The following NPNT variants were observed in gnomAD, a reference collection of about 807,000 sequenced individuals.
NPNT encodes nephronectin.
A neutral mutation model predicts 68.6 loss-of-function variants in NPNT; 45 were observed. That is an observed-to-expected ratio of 0.66 (90% CI 0.52 to 0.84). The LOEUF (loss-of-function observed/expected upper bound fraction) is 0.84. NPNT is among the 40% of genes least tolerant of loss of function. The pLI, the probability that NPNT is intolerant of heterozygous loss-of-function variation, is 0.00. For synonymous variants in NPNT, 233 were observed against 253.3 expected (o/e 0.92, Z 0.76); for missense variants, 672 against 714.8 (o/e 0.94, Z 0.68).
At chr4:105,938,798 T>G (rs867189636) in intron 5 of NPNT, among the ~76,000 whole-genome samples, 3 of 152,290 alleles carry the variant, frequency 2.0e-5, no homozygotes, top group African/African-American at 4.8e-5. Flanking sequence ...CCTCAGATTT[T>G]TTTCTGGTAA....
intron 8 of NPNT, among the ~76,000 whole-genome samples, chr4:105,956,060 CATTTA>C (rs1731199788): frequency 6.6e-6 from 1 of 151,924 alleles, no homozygotes; most frequent in South Asian, 2.1e-4. Flanking sequence ...AACCAAGAAC[CATTTA>C]ATTTAATATT....
intron 7 of NPNT, among the ~76,000 whole-genome samples, chr4:105,941,046 A>C (rs1729909173): frequency 6.6e-6 from 1 of 152,176 alleles, no homozygotes; most frequent in Non-Finnish European, 1.5e-5. Context: ...TGCTATTAAA[A>C]AATCATTCCC....
At chr4:105,947,782 C>A (rs949321464) in intron 8 of NPNT, among the ~76,000 whole-genome samples, 1 of 152,136 alleles carries the variant, frequency 6.6e-6, no homozygotes, top group Non-Finnish European at 1.5e-5. Flanking sequence ...TTTTCCAAAT[C>A]TGTCACAAAT....
intron 10 of NPNT, among the ~76,000 whole-genome samples, chr4:105,966,729 C>A (rs1000587711): frequency 2.6e-5 from 4 of 151,706 alleles, no homozygotes; most frequent in African/African-American, 9.7e-5. Flanking sequence ...CTTTAAATCA[C>A]CATCTGCTTT....
intron 3 of NPNT, 107 bp from the exon 4 acceptor site, chr4:105,936,902 T>A: frequency 9.2e-7 from 1 of 1,086,846 alleles, no homozygotes; most frequent in South Asian, 1.7e-5. Flanking sequence ...TTACTGTAGC[T>A]TGACCTATTT....
chr4:105,948,800 G>C (rs950510082), intron 8 of NPNT, among the ~76,000 whole-genome samples: 2 of 151,994 alleles, frequency 1.3e-5, no homozygotes, highest in Admixed American at 6.6e-5. Context: ...TTCTTACTGT[G>C]TTGCCCAGGC....
intron 2 of NPNT, among the ~76,000 whole-genome samples, chr4:105,919,781 C>G (rs1728102230): frequency 6.7e-6 from 1 of 149,902 alleles, no homozygotes; most frequent in Admixed American, 6.6e-5. Context: ...GTTTGTCCTA[C>G]TATTGGTGAT....
rs770152893 is a variant in NPNT, at chr4:105,906,758, G to A, written c.172+8757G>A. 4.5e-4 allele frequency among the ~76,000 whole-genome samples: 69 copies of A among 152,306 alleles called. 1 individual carries two copies. Among genetic ancestry groups the A allele is most frequent in the Non-Finnish European group, 1.8e-4 (12 of 68,020 alleles). On this transcript the variant is annotated intron_variant, in intron 2 of 11. Transcript: ENST00000379987. ...GTGAATAGAGCAGGGATAGGGCCCC[G>A]CCTAGGCTCCAGTAAAAGGAGGATC...
At position 105,895,680 on chromosome 4, in the gene NPNT, G is replaced by C. The variant is rs535893355; in HGVS notation, c.28G>C (p.Val10Leu). 1.3e-6 allele frequency: 2 copies of C among 1,553,494 alleles called. No homozygotes were observed. The highest frequency in any genetic ancestry group is 2.7e-5 in the African/African-American group (2 of 73,228). ...GGATTTTCTCCTGGCGCTGGTGCTGGTATCCTCGCTCTACCTGCAGGCGGC... is the reference window on the plus strand; with the variant it reads ...GGATTTTCTCCTGGCGCTGGTGCTGCTATCCTCGCTCTACCTGCAGGCGGC... MDFLLALVL[V>L]SSLYLQAAAE... Residue 10 changes from valine (V) to leucine (L), a missense_variant, in exon 1 of 12, where the codon GTA (valine) becomes CTA (leucine). Coordinates refer to ENST00000379987, the MANE Select transcript of NPNT (RefSeq NM_001033047.3).
At chr4:105,929,750 T>TGA (rs1291526312) in intron 3 of NPNT, among the ~76,000 whole-genome samples, 7 of 152,206 alleles carry the variant, frequency 4.6e-5, no homozygotes, top group Non-Finnish European at 1.5e-5. Flanking sequence ...AAGTCACTTT[T>TGA]GAGATTGCAG....
chr4:105,915,902 T>A (rs72968674), intron 2 of NPNT, among the ~76,000 whole-genome samples: 5,044 of 152,190 alleles, frequency 0.033, 253 homozygotes, highest in African/African-American at 0.11. Context: ...CACAACTATC[T>A]CCACGGAGGA....
At chr4:105,938,737 A>G (rs1230265265) in intron 5 of NPNT, among the ~76,000 whole-genome samples, 1 of 152,228 alleles carries the variant, frequency 6.6e-6, no homozygotes, top group African/African-American at 2.4e-5. Flanking sequence ...GGCAAGGGTG[A>G]GCAATGAGTG....
intron 10 of NPNT, among the ~76,000 whole-genome samples, chr4:105,959,527 T>C (rs1389729975): frequency 6.7e-6 from 1 of 150,312 alleles, no homozygotes; most frequent in East Asian, 1.9e-4. Context: ...TCTTTTCTTT[T>C]TTTTTTTTTT....
At chr4:105,941,898 C>T (rs1352743869) in intron 7 of NPNT, among the ~76,000 whole-genome samples, 2 of 152,002 alleles carry the variant, frequency 1.3e-5, no homozygotes, top group South Asian at 2.1e-4. Flanking sequence ...AGGGATACAA[C>T]GTAGATTCTA....
chr4:105,905,111 A>G (rs1726780033), intron 2 of NPNT, among the ~76,000 whole-genome samples: 1 of 151,720 alleles, frequency 6.6e-6, no homozygotes, highest in Admixed American at 6.6e-5. Context: ...ATTAAGGAGG[A>G]ATATGTAGAA....
At chr4:105,960,324 T>G (rs148110650) in intron 10 of NPNT, among the ~76,000 whole-genome samples, 42 of 152,352 alleles carry the variant, frequency 2.8e-4, no homozygotes, top group African/African-American at 9.9e-4. Flanking sequence ...AGAGAGCTCA[T>G]GATATCTTAA....
chr4:105,895,596 C>A lies in NPNT; in HGVS notation c.-57C>A. On this transcript the variant is annotated 5_prime_UTR_variant, in exon 1 of 12. Transcript: ENST00000379987. ...AGGGGCGCCTCCCATCGGCGCCCAC[C>A]ACCCCAACCTGTTCCTCGCGCGCCA... 1.4e-6 allele frequency: 2 copies of A among 1,454,120 alleles called. No individual in the cohort carries two copies. The highest frequency in any genetic ancestry group is 1.9e-6 in the Non-Finnish European group (2 of 1,065,778). 90.1% of individuals were successfully genotyped at this position (1,454,120 alleles called of 1,614,324 possible).
chr4:105,951,054 C>A (rs1730796297), intron 8 of NPNT, among the ~76,000 whole-genome samples: 1 of 152,108 alleles, frequency 6.6e-6, no homozygotes, highest in African/African-American at 2.4e-5. Flanking sequence ...GATCTGCAGT[C>A]CCCACTTTGG....
At chr4:105,968,307 A>G (rs1732330915) in intron 11 of NPNT, among the ~76,000 whole-genome samples, 1 of 152,246 alleles carries the variant, frequency 6.6e-6, no homozygotes, top group Admixed American at 6.5e-5. Flanking sequence ...ATAAAACAAG[A>G]TAATCATTTT....
Sources: allele counts gnomAD v4.1 joint callset (sites outside exome capture counted in the v4.1 genomes callset), GRCh38; gene constraint gnomAD v4.1.1; transcripts MANE v1.5; gene names NCBI Gene and HGNC (gene_info 2026-07-23, HGNC 2026-07-21).